RAB5C: variants seen among roughly 807,000 people sequenced by gnomAD.
RAB5C encodes the protein ras-related protein Rab-5C.
In RAB5C, 4 loss-of-function variants were observed where a neutral mutation model predicts 25.2. The ratio of observed to expected loss-of-function variants is 0.16; its 90% confidence interval spans 0.08 to 0.36. RAB5C has a LOEUF of 0.36. Ranked by LOEUF, RAB5C falls within the 10% of genes least tolerant of loss-of-function variation. The pLI is 1.00. For synonymous variants in RAB5C, 100 were observed against 106.4 expected, an observed-to-expected ratio of 0.94 and a Z score of 0.37; for missense variants, 199 against 283.8, an observed-to-expected ratio of 0.70 and a Z score of 2.15.
At chr17:42,135,190 G>A (rs900855720) in intron 1 of RAB5C, among the ~76,000 whole-genome samples, 1 of 151,450 alleles carries the variant, frequency 6.6e-6, no homozygotes, top group Non-Finnish European at 1.5e-5. Flanking sequence ...TTACCACGCT[G>A]GCCAGGCTGG....
rs377366326 is a variant in RAB5C, at chr17:42,125,766, G to A, written c.*17C>T. On this transcript the variant is annotated 3_prime_UTR_variant, in exon 6 of 6. Coordinates refer to ENST00000346213, the MANE Select transcript of RAB5C (RefSeq NM_004583.4). ...TTCAGGCGGAGGAGGCGGGGGCAGCGGGCAGGCAAGGGGGGCTCAGTTGCT... is the reference window on the plus strand; with the variant it reads ...TTCAGGCGGAGGAGGCGGGGGCAGCAGGCAGGCAAGGGGGGCTCAGTTGCT... 361 of 1,563,048 alleles carry A rather than the reference G, an allele frequency of 2.3e-4. No individual in the cohort carries two copies. Among genetic ancestry groups the A allele is most frequent in the Non-Finnish European group, 2.8e-4 (320 of 1,149,744 alleles).
intron 5 of RAB5C, 131 bp from the exon 6 acceptor site, chr17:42,126,029 G>A: frequency 1.5e-6 from 1 of 660,572 alleles, no homozygotes; most frequent in Non-Finnish European, 2.6e-6. Flanking sequence ...TGTGTCAGGT[G>A]CATTCTGATT....
intron 1 of RAB5C, among the ~76,000 whole-genome samples, chr17:42,150,140 C>T (rs1349679974): frequency 6.6e-6 from 1 of 152,046 alleles, no homozygotes; most frequent in Non-Finnish European, 1.5e-5. Context: ...CAGCCTCAGC[C>T]TTCCAAAGTG....
intron 4 of RAB5C, 128 bp downstream of exon 4, chr17:42,128,133 G>A: frequency 1.5e-6 from 2 of 1,359,238 alleles, no homozygotes; most frequent in Non-Finnish European, 2.0e-6. Context: ...TGAGGCACGA[G>A]AGGACAGCAG....
intron 1 of RAB5C, among the ~76,000 whole-genome samples, chr17:42,152,362 C>T (rs762251204): frequency 6.6e-6 from 1 of 152,138 alleles, no homozygotes; most frequent in African/African-American, 2.4e-5. Context: ...CCATCGCTCT[C>T]TCTGCCAGGC....
chr17:42,129,959 T>C (rs2054468148), intron 2 of RAB5C, among the ~76,000 whole-genome samples: 1 of 152,150 alleles, frequency 6.6e-6, no homozygotes, highest in South Asian at 2.1e-4. Flanking sequence ...TTCCTTCTTC[T>C]GGAAGTGGGA....
intron 1 of RAB5C, among the ~76,000 whole-genome samples, chr17:42,147,627 C>T (rs938845149): frequency 3.3e-5 from 5 of 152,186 alleles, no homozygotes; most frequent in African/African-American, 4.8e-5. Context: ...TCCCATCATC[C>T]GTACTGTAAC....
At position 42,125,842 on chromosome 17, in the gene RAB5C, G is replaced by T; in HGVS notation, c.592C>A (p.Arg198=). The change falls in exon 6 of 6, where the codon CGA becomes AGA. Residue 198 remains arginine (R), a synonymous_variant. Transcript: ENST00000346213. ...QNATGAPGRN[R]GVDLQENNPA... ...TTGTTCTCCTGGAGGTCCACACCTC[G>T]GTTTCGGCCTGGAGCACCAGTTGCA... 1 of 1,611,884 alleles carries T rather than the reference G, an allele frequency of 6.2e-7. No homozygotes were observed.
At chr17:42,147,058 GAAAGAAAGAAAGAA>G (rs1314480557) in intron 1 of RAB5C, among the ~76,000 whole-genome samples, 11 of 141,362 alleles carry the variant, frequency 7.8e-5, no homozygotes, top group Admixed American at 2.9e-4. Context: ...GACAGAAAAA[GAAAGAAAGAAAGAA>G]AAAGAAAGAA....
chr17:42,130,899 C>T (rs1392236773), intron 1 of RAB5C, among the ~76,000 whole-genome samples: 3 of 152,186 alleles, frequency 2.0e-5, no homozygotes, highest in South Asian at 2.1e-4. Context: ...TAAACACACA[C>T]AGGCGATGAA....
chr17:42,128,676 G>A lies in RAB5C; in HGVS notation c.291C>T (p.Ala97=). Residue 97 remains alanine, a synonymous_variant, in exon 3 of 6, where the codon GCC becomes GCT. Transcript: ENST00000346213. Reference sequence around the variant, plus strand: ...TGTTGGTGATGTCATAGACCACGATGGCAGCCTGGGCCCCCCGATAGTACA... The same window carrying A: ...TGTTGGTGATGTCATAGACCACGATAGCAGCCTGGGCCCCCCGATAGTACA... The part of the protein sequence containing the change: ...APMYYRGAQA[A]IVVYDITNTD... The A allele has an allele frequency of 6.7e-7, 1 of 1,503,646 alleles. No homozygotes were observed. The highest frequency in any genetic ancestry group is 8.9e-7 in the Non-Finnish European group (1 of 1,128,098). 93.1% of individuals were successfully genotyped at this position (1,503,646 alleles called of 1,614,324 possible). A position where few individuals can be genotyped will look rare whatever the true frequency, so the allele number is the denominator to read the frequency against.
chr17:42,140,773 G>T (rs1598253101), intron 1 of RAB5C, among the ~76,000 whole-genome samples: 1 of 151,886 alleles, frequency 6.6e-6, no homozygotes, highest in African/African-American at 2.4e-5. Context: ...TGATCCGCCT[G>T]CCTCAGCCTC....
intron 1 of RAB5C, among the ~76,000 whole-genome samples, chr17:42,143,198 A>G (rs1396568432): frequency 1.3e-5 from 2 of 152,222 alleles, no homozygotes; most frequent in East Asian, 1.9e-4. Flanking sequence ...CAGAGTCTCT[A>G]GTAACTATGA....
intron 1 of RAB5C, 61 bp from the exon 2 acceptor site, chr17:42,130,651 C>T: frequency 6.9e-7 from 1 of 1,454,792 alleles, no homozygotes; most frequent in Non-Finnish European, 9.1e-7. Context: ...CTGTGTCCTT[C>T]TTAAATTACA....
At position 42,150,544 on chromosome 17, in the gene RAB5C, CAAAAAAAAAAAAAA is replaced by C. The variant is rs759878778; in HGVS notation, c.-89+4335_-89+4348del. ...GGGAGACAAGAGTGAAACTCCATCT[CAAAAAAAAAAAAAA>C]AAAAAAAAAAAAAAATCAGCCAGAC... On this transcript the variant is annotated intron_variant, in intron 1 of 5. Transcript: ENST00000346213. Among the ~76,000 whole-genome samples, 299 of 19,390 alleles carry C rather than the reference CAAAAAAAAAAAAAA, an allele frequency of 0.015. 13 individuals are homozygous for C. The East Asian group carries it at 0.27, about 17-fold the overall frequency. 12.7% of individuals were successfully genotyped at this position (19,390 alleles called of 152,430 possible).
intron 5 of RAB5C, 110 bp downstream of exon 5, chr17:42,126,631 CAAAAAAAAAAAAAA>C (rs71357528): frequency 1.4e-4 from 12 of 84,548 alleles, no homozygotes; most frequent in Non-Finnish European, 2.2e-4. Flanking sequence ...GACTCCATCT[CAAAAAAAAAAAAAA>C]AAAAAAAAAA....
At chr17:42,154,393 T>C (rs899140485) in intron 1 of RAB5C, among the ~76,000 whole-genome samples, 2 of 151,732 alleles carry the variant, frequency 1.3e-5, no homozygotes, top group Non-Finnish European at 2.9e-5. Flanking sequence ...AAGTAAGGAG[T>C]TGCGGGAGCG....
chr17:42,130,608 G>A lies in RAB5C; in HGVS notation c.-88-18C>T. On this transcript the variant is annotated intron_variant, in intron 1 of 5. Coordinates refer to ENST00000346213, the MANE Select transcript of RAB5C (RefSeq NM_004583.4). ...ACCTCCAACTGTAAGGGAGAAATGAGAAGTACTGAGTTAGTTCAGAGGCCG... is the reference window on the plus strand; with the variant it reads ...ACCTCCAACTGTAAGGGAGAAATGAAAAGTACTGAGTTAGTTCAGAGGCCG... 1 of 1,543,714 alleles carries A rather than the reference G, an allele frequency of 6.5e-7. No individual in the cohort carries two copies. The highest frequency in any genetic ancestry group is 8.7e-7 in the Non-Finnish European group (1 of 1,144,716).
At chr17:42,150,598 T>C (rs1432976899) in intron 1 of RAB5C, among the ~76,000 whole-genome samples, 1 of 144,084 alleles carries the variant, frequency 6.9e-6, no homozygotes, top group East Asian at 2.0e-4. Context: ...TGGCTCATGC[T>C]TGTAATCCCA....
Sources: allele counts gnomAD v4.1 joint callset (sites outside exome capture counted in the v4.1 genomes callset), GRCh38; gene constraint gnomAD v4.1.1; transcripts MANE v1.5; gene names NCBI Gene and HGNC (gene_info 2026-07-23, HGNC 2026-07-21).